Variants in TMEM132C observed in about 807,000 individuals in gnomAD.
The protein encoded by TMEM132C is protein phosphatase 1, regulatory subunit 152.
In TMEM132C, 29 loss-of-function variants were observed where a neutral mutation model predicts 61.4. The ratio of observed to expected loss-of-function variants is 0.47; its 90% CI spans 0.35 to 0.64. The LOEUF (loss-of-function observed/expected upper bound fraction) is 0.64, where lower values mean the gene tolerates loss of function less well. Ranked by LOEUF, TMEM132C falls within the 30% of genes least tolerant of loss-of-function variation. The probability of loss-of-function intolerance (pLI) is 0.00; values close to 1 mark genes in which losing one functional copy is unlikely to be tolerated. For synonymous variants in TMEM132C, 656 were observed against 633.1 expected, an observed-to-expected ratio of 1.04 and a Z score of -0.54; for missense variants, 1,408 against 1,476.9, an observed-to-expected ratio of 0.95 and a Z score of 0.76.
chr12:128,587,019 C>A (rs1260481321), intron 3 of TMEM132C, among the ~76,000 whole-genome samples: 1 of 152,192 alleles, frequency 6.6e-6, no homozygotes, highest in Non-Finnish European at 1.5e-5. Flanking sequence ...ATACGTTGGG[C>A]CATAAAGGCG....
intron 2 of TMEM132C, among the ~76,000 whole-genome samples, chr12:128,519,859 G>A (rs1031123266): frequency 2.6e-5 from 4 of 152,158 alleles, no homozygotes; most frequent in East Asian, 1.9e-4. Context: ...AACCTCCTCC[G>A]ATGTTGCCTG....
intron 3 of TMEM132C, among the ~76,000 whole-genome samples, chr12:128,601,883 T>C (rs1454360233): frequency 6.6e-6 from 1 of 152,072 alleles, no homozygotes; most frequent in Non-Finnish European, 1.5e-5. Flanking sequence ...GATAAGCATT[T>C]TGTGGCTGAG....
At chr12:128,443,330 C>T (rs202000251) in intron 2 of TMEM132C, among the ~76,000 whole-genome samples, 1 of 151,996 alleles carries the variant, frequency 6.6e-6, no homozygotes, top group African/African-American at 2.4e-5. Context: ...GTACACTGCT[C>T]AGGTCACAGG....
intron 3 of TMEM132C, among the ~76,000 whole-genome samples, chr12:128,562,813 G>T (rs1874570819): frequency 6.6e-6 from 1 of 152,320 alleles, no homozygotes; most frequent in South Asian, 2.1e-4. Context: ...GGTTCATCAA[G>T]ATAGAGCAGA....
intron 4 of TMEM132C, among the ~76,000 whole-genome samples, chr12:128,660,337 T>A (rs1367623862): frequency 1.3e-5 from 2 of 152,036 alleles, no homozygotes; most frequent in East Asian, 3.9e-4. Flanking sequence ...TGCTTTAAAA[T>A]AGCCAGTTCT....
chr12:128,541,873 G>C (rs1873769036), intron 2 of TMEM132C, among the ~76,000 whole-genome samples: 2 of 152,224 alleles, frequency 1.3e-5, no homozygotes, highest in South Asian at 4.2e-4. Flanking sequence ...GCAGTCTAGG[G>C]GGACCCGCCT....
At chr12:128,488,814 ATAAT>A (rs1871599683) in intron 2 of TMEM132C, among the ~76,000 whole-genome samples, 1 of 152,132 alleles carries the variant, frequency 6.6e-6, no homozygotes, top group Admixed American at 6.5e-5. Context: ...AGGGCTCTTA[ATAAT>A]TACTTACCGA....
At chr12:128,315,864 G>C (rs1439277902) in intron 1 of TMEM132C, among the ~76,000 whole-genome samples, 1 of 151,852 alleles carries the variant, frequency 6.6e-6, no homozygotes, top group Non-Finnish European at 1.5e-5. Context: ...ACAAGCCCAC[G>C]GGTGACAAGC....
intron 4 of TMEM132C, among the ~76,000 whole-genome samples, chr12:128,638,944 ATGATGGTGGTGATGG>A (rs1171919864): frequency 1.4e-4 from 8 of 58,698 alleles, no homozygotes; most frequent in Non-Finnish European, 2.4e-4. Flanking sequence ...GGTGATGGTG[ATGATGGTGGTGATGG>A]TGATGGTGGT....
chr12:128,328,858 G>T (rs1324894233), intron 1 of TMEM132C, among the ~76,000 whole-genome samples: 1 of 151,284 alleles, frequency 6.6e-6, no homozygotes, highest in Non-Finnish European at 1.5e-5. Context: ...ACACCGTTGT[G>T]ATTTGAGCCA....
chr12:128,492,621 A>T (rs1422998673), intron 2 of TMEM132C, among the ~76,000 whole-genome samples: 1 of 152,014 alleles, frequency 6.6e-6, no homozygotes, highest in Non-Finnish European at 1.5e-5. Context: ...GCATTTTTTC[A>T]TGTGTCTGTT....
At chr12:128,295,476 C>T (rs1370034792) in intron 1 of TMEM132C, among the ~76,000 whole-genome samples, 2 of 151,876 alleles carry the variant, frequency 1.3e-5, no homozygotes, top group African/African-American at 2.4e-5. Context: ...CGTGTAGGGT[C>T]ACATGGAAAA....
At position 128,379,677 on chromosome 12, in the gene TMEM132C, G is replaced by T. The variant is rs115741884; in HGVS notation, c.86-35055G>T. Among the ~76,000 whole-genome samples the T allele has an allele frequency of 9.8e-3, 1,498 of 152,238 alleles. 19 individuals are homozygous for T. The highest frequency in any genetic ancestry group is 0.033 in the African/African-American group (1,385 of 41,522). On this transcript the variant is annotated intron_variant, in intron 1 of 8. Coordinates refer to ENST00000435159, the MANE Select transcript of TMEM132C (RefSeq NM_001136103.3). ...CTCTGGAAAAGGACACCTGTCATTG[G>T]ATTAAGAGTCCATTCCAAATCCAGA...
intron 2 of TMEM132C, among the ~76,000 whole-genome samples, chr12:128,417,540 A>G (rs1339566999): frequency 2.0e-5 from 3 of 152,272 alleles, no homozygotes; most frequent in South Asian, 2.1e-4. Context: ...TTCTGATCCT[A>G]TCTGTTCTAC....
chr12:128,642,176 T>C (rs1211301362), intron 4 of TMEM132C, among the ~76,000 whole-genome samples: 1 of 150,294 alleles, frequency 6.7e-6, no homozygotes, highest in African/African-American at 2.5e-5. Context: ...TCTGTCACCA[T>C]GCTGGAGTGC....
chr12:128,624,354 G>C (rs1953994030), intron 4 of TMEM132C, among the ~76,000 whole-genome samples: 1 of 151,978 alleles, frequency 6.6e-6, no homozygotes, highest in Non-Finnish European at 1.5e-5. Context: ...GACCACCCTG[G>C]CCAAGATAGC....
chr12:128,623,608 A>C (rs1367548101), intron 4 of TMEM132C, among the ~76,000 whole-genome samples: 1 of 151,872 alleles, frequency 6.6e-6, no homozygotes, highest in African/African-American at 2.4e-5. Flanking sequence ...GGAGTTCGAA[A>C]CCAGCCTGGG....
intron 1 of TMEM132C, among the ~76,000 whole-genome samples, chr12:128,350,869 A>G (rs974792806): frequency 6.6e-6 from 1 of 152,060 alleles, no homozygotes; most frequent in African/African-American, 2.4e-5. Flanking sequence ...TACTAGAGGC[A>G]CCAGTAGCTT....
intron 3 of TMEM132C, among the ~76,000 whole-genome samples, chr12:128,595,944 A>T (rs4882809): frequency 6.6e-6 from 1 of 152,198 alleles, no homozygotes; most frequent in African/African-American, 2.4e-5. Context: ...CATGCCCACC[A>T]TGCCGTTAAG....
Sources: allele counts gnomAD v4.1 joint callset (sites outside exome capture counted in the v4.1 genomes callset), GRCh38; gene constraint gnomAD v4.1.1; transcripts MANE v1.5; gene names NCBI Gene and HGNC (gene_info 2026-07-23, HGNC 2026-07-21).